Variants in NRG1 observed in about 807,000 individuals in gnomAD.
NRG1 encodes the protein pro-neuregulin-1, membrane-bound isoform.
Under a neutral mutation model 63.8 loss-of-function variants are expected in NRG1, and 18 were observed. That is an observed-to-expected ratio of 0.28 (90% CI 0.19 to 0.42). The LOEUF (loss-of-function observed/expected upper bound fraction) is 0.42. Among genes scored for constraint, NRG1 ranks in the 10% least tolerant of loss-of-function variants. The probability of loss-of-function intolerance (pLI) is 1.00; values close to 1 mark genes in which losing one functional copy is unlikely to be tolerated. For synonymous variants in NRG1, 302 were observed against 301.3 expected, an observed-to-expected ratio of 1.00 and a Z score of -0.02; for missense variants, 762 against 814.7, an observed-to-expected ratio of 0.94 and a Z score of 0.79.
intron 5 of NRG1, among the ~76,000 whole-genome samples, chr8:32,650,347 G>T (rs1014777987): frequency 6.6e-6 from 1 of 152,002 alleles, no homozygotes; most frequent in Non-Finnish European, 1.5e-5. Context: ...GAAGTGCATC[G>T]GAGATAAGCC....
intron 1 of NRG1, among the ~76,000 whole-genome samples, chr8:31,692,167 C>T (rs1240262965): frequency 6.6e-6 from 1 of 152,178 alleles, no homozygotes; most frequent in Non-Finnish European, 1.5e-5. Flanking sequence ...AATAGCAACA[C>T]TAAGTAGTTG....
chr8:31,891,062 C>G lies in NRG1; in HGVS notation c.37+251631C>G, dbSNP rs562531620. Reference sequence around the variant, plus strand: ...ACCTATAAAACCTTTTAGAAAAAAACAGGAGAGTGTCTTTCAGATCTAAGG... The same window carrying G: ...ACCTATAAAACCTTTTAGAAAAAAAGAGGAGAGTGTCTTTCAGATCTAAGG... On this transcript the variant is annotated intron_variant, in intron 1 of 10. Coordinates refer to the NRG1 transcript ENST00000519301. Among the ~76,000 whole-genome samples, 275 of 152,192 alleles carry G rather than the reference C, an allele frequency of 1.8e-3. 2 individuals carry two copies. The highest frequency in any genetic ancestry group is 2.0e-3 in the Non-Finnish European group (139 of 68,010).
At chr8:31,788,312 C>T (rs533181057) in intron 1 of NRG1, among the ~76,000 whole-genome samples, 2 of 152,154 alleles carry the variant, frequency 1.3e-5, no homozygotes, top group East Asian at 3.9e-4. Context: ...ATTATAAATG[C>T]TCTTTTAAAT....
At chr8:31,895,810 A>G (rs1164241417) in intron 1 of NRG1, among the ~76,000 whole-genome samples, 1 of 152,178 alleles carries the variant, frequency 6.6e-6, no homozygotes, top group African/African-American at 2.4e-5. Context: ...AACCTAGTCA[A>G]CAACTTCTTT....
At chr8:32,658,954 G>A (rs1802158750) in intron 5 of NRG1, among the ~76,000 whole-genome samples, 1 of 152,046 alleles carries the variant, frequency 6.6e-6, no homozygotes, top group African/African-American at 2.4e-5. Flanking sequence ...GCTCTGTTCT[G>A]GATCAACAGA....
At chr8:32,451,484 C>T (rs746608446) in intron 1 of NRG1, among the ~76,000 whole-genome samples, 11 of 152,288 alleles carry the variant, frequency 7.2e-5, no homozygotes, top group Non-Finnish European at 1.3e-4. Context: ...GGGATTCTTC[C>T]CTCTCTCTTC....
Position 31,640,645 on chromosome 8 carries a change from G to A in NRG1, c.37+1214G>A. 1 of 1,608,098 alleles carries A rather than the reference G, an allele frequency of 6.2e-7. No individual in the cohort carries two copies. Among genetic ancestry groups the A allele is most frequent in the South Asian group, 1.1e-5 (1 of 90,542 alleles). ...CGCCAACAGCACCAGCCGCGCGCCG[G>A]CCGCCTTCCGAGCCTCTTTCCCCCC... On this transcript the variant is annotated intron_variant, in intron 1 of 10. Coordinates refer to the NRG1 transcript ENST00000519301. The surrounding 1 kb of genome is among the most constrained non-coding windows in gnomAD (Gnocchi z 6.3).
intron 1 of NRG1, among the ~76,000 whole-genome samples, chr8:32,286,921 C>CG (rs935488369): frequency 2.4e-4 from 37 of 152,126 alleles, no homozygotes; most frequent in African/African-American, 8.4e-4. Flanking sequence ...TACTTGAACC[C>CG]GGGAGGCAGA....
intron 5 of NRG1, among the ~76,000 whole-genome samples, chr8:32,658,819 T>G (rs1212030359): frequency 6.6e-6 from 1 of 152,228 alleles, no homozygotes; most frequent in Non-Finnish European, 1.5e-5. Flanking sequence ...TTTAATCAGG[T>G]TAAACATTTG....
intron 1 of NRG1, among the ~76,000 whole-genome samples, chr8:32,573,035 T>C: frequency 6.6e-6 from 1 of 152,228 alleles, no homozygotes; most frequent in East Asian, 1.9e-4. Context: ...TGGCAACATT[T>C]ATCGTAAGTA....
At chr8:32,148,477 C>T (rs1837152627) in intron 1 of NRG1, among the ~76,000 whole-genome samples, 1 of 152,230 alleles carries the variant, frequency 6.6e-6, no homozygotes, top group Non-Finnish European at 1.5e-5. Context: ...CGGCTCACTG[C>T]AAGCTCTGCC....
intron 1 of NRG1, among the ~76,000 whole-genome samples, chr8:31,925,686 T>A (rs564442828): frequency 3.7e-5 from 5 of 135,848 alleles, no homozygotes; most frequent in South Asian, 2.5e-4. Flanking sequence ...CAGAAATTTT[T>A]CTGACCTATT....
intron 1 of NRG1, among the ~76,000 whole-genome samples, chr8:31,988,874 C>A (rs1306283288): frequency 2.6e-5 from 4 of 151,982 alleles, no homozygotes. Flanking sequence ...CAGCAAATTC[C>A]GGAATTCTTT....
chr8:32,119,152 A>T (rs182546827), intron 1 of NRG1, among the ~76,000 whole-genome samples: 1 of 152,208 alleles, frequency 6.6e-6, no homozygotes, highest in African/African-American at 2.4e-5. Context: ...TCTATTATTT[A>T]ATAGGTAGAA....
At chr8:32,412,469 T>TAC (rs1815232876) in intron 1 of NRG1, among the ~76,000 whole-genome samples, 1 of 134,096 alleles carries the variant, frequency 7.5e-6, no homozygotes. Context: ...TATATATATA[T>TAC]ATATATGAAC....
chr8:32,733,992 T>C (rs1589485233), intron 6 of NRG1, among the ~76,000 whole-genome samples: 1 of 152,254 alleles, frequency 6.6e-6, no homozygotes, highest in African/African-American at 2.4e-5. Context: ...AAGAACTAAG[T>C]TAAACAGTGG....
chr8:31,713,382 C>T (rs990965383), intron 1 of NRG1, among the ~76,000 whole-genome samples: 3 of 152,084 alleles, frequency 2.0e-5, no homozygotes, highest in African/African-American at 4.8e-5. Context: ...TCCCAAAGTG[C>T]TGGGATTACA....
At chr8:32,214,603 A>C (rs1367673451) in intron 1 of NRG1, among the ~76,000 whole-genome samples, 1 of 152,100 alleles carries the variant, frequency 6.6e-6, no homozygotes, top group Non-Finnish European at 1.5e-5. Context: ...TGATTGCACC[A>C]CTGCATTCCA....
intron 5 of NRG1, among the ~76,000 whole-genome samples, chr8:32,675,997 T>C (rs1366114390): frequency 1.3e-5 from 2 of 152,178 alleles, no homozygotes; most frequent in Non-Finnish European, 2.9e-5. Flanking sequence ...AGCCAACACT[T>C]TTCACTAACT....
Sources: allele counts gnomAD v4.1 joint callset (sites outside exome capture counted in the v4.1 genomes callset), GRCh38; gene constraint gnomAD v4.1.1; non-coding constraint Gnocchi (gnomAD v3.1); transcripts MANE v1.5; gene names NCBI Gene and HGNC (gene_info 2026-07-23, HGNC 2026-07-21).